Variants in GFRA2 observed in about 807,000 individuals in gnomAD.
The protein encoded by GFRA2 is GDNF family receptor alpha 2, also known as GDNF family receptor alpha-2.
Under a neutral mutation model 48.3 loss-of-function variants are expected in GFRA2, and 17 were observed. That is an observed-to-expected ratio of 0.35 (90% CI 0.24 to 0.53). GFRA2 has a LOEUF of 0.53. GFRA2 is among the 20% of genes least tolerant of loss of function. GFRA2 has a pLI of 0.93. For synonymous variants in GFRA2, 305 were observed against 257.2 expected, an observed-to-expected ratio of 1.19 and a Z score of -1.78; for missense variants, 660 against 637.3, an observed-to-expected ratio of 1.04 and a Z score of -0.38.
Position 21,712,336 on chromosome 8 carries a change from G to A in GFRA2, c.795-6295C>T, listed in dbSNP as rs1403669297. On this transcript the variant is annotated intron_variant, in intron 4 of 8. Coordinates refer to ENST00000524240, the MANE Select transcript of GFRA2 (RefSeq NM_001495.5). ...CTCCTCACCTCCCAGACGGGGTCGC[G>A]GCCGGGCAGAGGCGCTCCTCACATC... 5.9e-5 allele frequency among the ~76,000 whole-genome samples: 9 copies of A among 151,700 alleles called. No homozygotes were observed. The South Asian group carries it at 8.4e-4, about 14-fold the overall frequency.
chr8:21,722,654 C>T (rs1803658552), intron 4 of GFRA2, among the ~76,000 whole-genome samples: 1 of 152,188 alleles, frequency 6.6e-6, no homozygotes, highest in Non-Finnish European at 1.5e-5. Flanking sequence ...GGCCCTGCCA[C>T]TCCAACCGAT....
intron 4 of GFRA2, among the ~76,000 whole-genome samples, chr8:21,740,673 C>T (rs767063607): frequency 6.6e-6 from 1 of 152,214 alleles, no homozygotes; most frequent in African/African-American, 2.4e-5. Context: ...ATTCCTCTAG[C>T]TTTAAATGCC....
rs972050507 is a variant in GFRA2 at position 21,752,516 on chromosome 8, C to A, written c.440-1574G>T. Among the ~76,000 whole-genome samples, 8 of 152,208 alleles carry A rather than the reference C, an allele frequency of 5.3e-5. 1 individual carries two copies. The highest frequency in any genetic ancestry group is 7.4e-5 in the Non-Finnish European group (5 of 68,016). Reference sequence around the variant, plus strand: ...CTGGTCCCGTCTTCCATACCCAGGGCTCAGTCTCCTTTTCTCTACATGCAC... The same window carrying A: ...CTGGTCCCGTCTTCCATACCCAGGGATCAGTCTCCTTTTCTCTACATGCAC... On this transcript the variant is annotated intron_variant, in intron 3 of 8. Coordinates refer to ENST00000524240, the MANE Select transcript of GFRA2 (RefSeq NM_001495.5).
chr8:21,694,600 G>T, intron 7 of GFRA2, 83 bp from the exon 8 acceptor site: 1 of 1,277,012 alleles, frequency 7.8e-7, no homozygotes, highest in Non-Finnish European at 1.1e-6. Context: ...ATGAGGCCCC[G>T]CCATGCACTG....
rs548274563 is a variant in GFRA2, at chr8:21,694,382, C to G, written c.1272+82G>C. The G allele has an allele frequency of 1.3e-4, 176 of 1,354,720 alleles. 1 individual carries two copies. The African/African-American group carries it at 2.1e-3, about 16-fold the overall frequency. The allele number at this position is 1,354,720 out of a possible 1,614,324, so 83.9% of individuals were successfully genotyped here. On this transcript the variant is annotated intron_variant, in intron 8 of 8. Transcript: ENST00000524240. ...GCCCATGCGATGAGATTTGAGGGCG[C>G]TGGATCTGAGGCTCGCCGGGGAAAT... is the stretch of plus-strand genomic sequence containing the variant.
At chr8:21,721,423 C>G (rs1050554295) in intron 4 of GFRA2, among the ~76,000 whole-genome samples, 1 of 152,200 alleles carries the variant, frequency 6.6e-6, no homozygotes, top group Non-Finnish European at 1.5e-5. Context: ...TGGGGACCTA[C>G]AGAGGAGAAT....
At chr8:21,751,353 A>G (rs1563246884) in intron 3 of GFRA2, among the ~76,000 whole-genome samples, 3 of 152,208 alleles carry the variant, frequency 2.0e-5, no homozygotes, top group Non-Finnish European at 4.4e-5. Context: ...GGACACTGGC[A>G]TTTGGGGTCA....
intron 4 of GFRA2, among the ~76,000 whole-genome samples, chr8:21,740,735 T>C (rs7005860): frequency 0.01 from 1,535 of 152,298 alleles, 38 homozygotes; most frequent in African/African-American, 0.035. Flanking sequence ...GCACCAGATA[T>C]GAATGTCTCA....
chr8:21,713,035 ACG>A (rs1803143772), intron 4 of GFRA2, among the ~76,000 whole-genome samples: 1 of 148,080 alleles, frequency 6.8e-6, no homozygotes, highest in African/African-American at 2.6e-5. Context: ...GGAGAGGGAG[ACG>A]AGGGAGAGGG....
chr8:21,726,129 C>A (rs1803859359), intron 4 of GFRA2, among the ~76,000 whole-genome samples: 2 of 152,230 alleles, frequency 1.3e-5, no homozygotes, highest in South Asian at 4.1e-4. Context: ...TCATCCCTCA[C>A]CCTGGGTGGA....
At chr8:21,711,124 C>T (rs1803001193) in intron 4 of GFRA2, among the ~76,000 whole-genome samples, 2 of 152,222 alleles carry the variant, frequency 1.3e-5, no homozygotes, top group Admixed American at 6.5e-5. Context: ...TAATACAAGG[C>T]TGCTGGTGAT....
intron 1 of GFRA2, among the ~76,000 whole-genome samples, chr8:21,786,356 C>T (rs1204194169): frequency 6.6e-6 from 1 of 152,254 alleles, no homozygotes; most frequent in Non-Finnish European, 1.5e-5. Context: ...GTGCCCACAC[C>T]TGGGAGCCCT....
intron 2 of GFRA2, among the ~76,000 whole-genome samples, chr8:21,800,320 T>A (rs1206863794): frequency 6.6e-6 from 1 of 152,176 alleles, no homozygotes; most frequent in Admixed American, 6.5e-5. Flanking sequence ...ATAATAGATG[T>A]CTAACTTTAG....
upstream of GFRA2, chr8:21,789,953 C>T: frequency 2.0e-6 from 1 of 488,498 alleles, no homozygotes; most frequent in Non-Finnish European, 2.7e-6. Context: ...GCCGGCTGGG[C>T]TCCGAGGAGC....
rs367623133 is a variant in GFRA2, at chr8:21,746,962, G to A, written c.794+3626C>T. Reference sequence around the variant, plus strand: ...GTCACATTATCCACCCTTCCTTAAAGCAATACTAATAAAATGGGTGCCCTG... The same window carrying A: ...GTCACATTATCCACCCTTCCTTAAAACAATACTAATAAAATGGGTGCCCTG... On this transcript the variant is annotated intron_variant, in intron 4 of 8. Coordinates refer to ENST00000524240, the MANE Select transcript of GFRA2 (RefSeq NM_001495.5). Among the ~76,000 whole-genome samples, 21 of 152,174 alleles carry A rather than the reference G, an allele frequency of 1.4e-4. 1 individual carries two copies. Among genetic ancestry groups the A allele is most frequent in the South Asian group, 8.3e-4 (4 of 4,812 alleles).
Position 21,742,082 on chromosome 8 carries a change from A to G in GFRA2, c.794+8506T>C, listed in dbSNP as rs150380170. On this transcript the variant is annotated intron_variant, in intron 4 of 8. Coordinates refer to ENST00000524240, the MANE Select transcript of GFRA2 (RefSeq NM_001495.5). Reference sequence around the variant, plus strand: ...GACAAGTTCTAAAGAGTGTCTGGAAAAGCAGGGACCAGGGGAAGATACAGA... The same window carrying G: ...GACAAGTTCTAAAGAGTGTCTGGAAGAGCAGGGACCAGGGGAAGATACAGA... Among the ~76,000 whole-genome samples, 262 of 152,324 alleles carry G rather than the reference A, an allele frequency of 1.7e-3. 1 individual carries two copies. The highest frequency in any genetic ancestry group is 6.0e-3 in the African/African-American group (251 of 41,560).
chr8:21,694,539 T>C, intron 7 of GFRA2, 22 bp from the exon 8 acceptor site: 1 of 1,602,702 alleles, frequency 6.2e-7, no homozygotes, highest in Non-Finnish European at 8.5e-7. Flanking sequence ...AAGGTGCCAG[T>C]CAGGACGAGT....
chr8:21,696,546 T>C (rs1802186319), intron 7 of GFRA2, among the ~76,000 whole-genome samples: 1 of 152,194 alleles, frequency 6.6e-6, no homozygotes, highest in Admixed American at 6.5e-5. Context: ...CTAGACACTC[T>C]GCAGGGTTAC....
chr8:21,779,570 TTTAA>T (rs1806873984), intron 2 of GFRA2: 2 of 152,220 alleles, frequency 1.3e-5, no homozygotes, highest in African/African-American at 4.8e-5. Flanking sequence ...CATTGAGCGC[TTTAA>T]TTATTTGTAC....
Sources: gnomAD v4.1 joint callset for allele counts (sites outside exome capture counted in the v4.1 genomes callset) on GRCh38, gnomAD v4.1.1 for gene constraint, MANE v1.5 for transcripts, NCBI Gene and HGNC (gene_info 2026-07-23, HGNC 2026-07-21) for gene names.